DAP: variants seen among roughly 807,000 people sequenced by gnomAD.
The protein encoded by DAP is death-associated protein 1.
In DAP, 8 loss-of-function variants were observed where a neutral mutation model predicts 13.8. That is an observed-to-expected ratio of 0.58 (90% CI 0.34 to 1.05). The LOEUF (loss-of-function observed/expected upper bound fraction) is 1.05, where lower values mean the gene tolerates loss of function less well. DAP is among the 50% of genes least tolerant of loss of function. DAP has a pLI of 0.03. For missense variants in DAP, 106 were observed against 133.2 expected, an observed-to-expected ratio of 0.80 and a Z score of 1.01; for synonymous variants, 47 against 47.5, an observed-to-expected ratio of 0.99 and a Z score of 0.04.
intron 2 of DAP, among the ~76,000 whole-genome samples, chr5:10,723,933 C>G (rs755648799): frequency 1.3e-5 from 2 of 152,124 alleles, no homozygotes; most frequent in Non-Finnish European, 2.9e-5. Flanking sequence ...TTGCGGGTGT[C>G]TATTTGGAAG....
At chr5:10,732,121 A>G (rs17769094) in intron 2 of DAP, among the ~76,000 whole-genome samples, 6,998 of 152,356 alleles carry the variant, frequency 0.046, 209 homozygotes, top group Middle Eastern at 0.092. Context: ...CAGTGATGAC[A>G]ATGTGCAGGC....
At chr5:10,756,364 GT>G (rs1740181981) in intron 1 of DAP, among the ~76,000 whole-genome samples, 27 of 91,610 alleles carry the variant, frequency 2.9e-4, no homozygotes, top group South Asian at 3.5e-4. Context: ...AGACAAATTA[GT>G]CTTCTGTTTC....
In DAP at chr5:10,681,164, G is replaced by A; in HGVS notation, c.201C>T (p.Asp67=). The change falls in exon 4 of 4, where the codon GAC becomes GAT. Residue 67 remains aspartate (D), a synonymous_variant. Transcript: ENST00000230895. ...GCGCAGCCGCCGGGGGGAAATCTTT[G>A]TCACCCTGTCAGGAAACACGGAAAG... ...VFISGVIARG[D]KDFPPAAAQV... 6.7e-7 allele frequency: 1 copy of A among 1,500,532 alleles called. No homozygotes were observed. The highest frequency in any genetic ancestry group is 8.9e-7 in the Non-Finnish European group (1 of 1,126,206). 93.0% of individuals were successfully genotyped at this position (1,500,532 alleles called of 1,614,324 possible). A position where few individuals can be genotyped will look rare whatever the true frequency, so the allele number is the denominator to read the frequency against.
rs188576347 is a variant in DAP at position 10,753,374 on chromosome 5, T to G, written c.56-5103A>C. 1.3e-3 allele frequency among the ~76,000 whole-genome samples: 196 copies of G among 152,214 alleles called. 1 individual carries two copies. Among genetic ancestry groups the G allele is most frequent in the African/African-American group, 4.5e-3 (187 of 41,526 alleles). On this transcript the variant is annotated intron_variant, in intron 1 of 3. Coordinates refer to ENST00000230895, the MANE Select transcript of DAP (RefSeq NM_004394.3). The stretch of plus-strand genomic sequence containing the variant: ...GAGCACCATGGCTTCTGAGAGTAAC[T>G]CAAAGGAACGGCCTACAGACAGGGC...
At chr5:10,694,526 A>T (rs1162045282) in intron 2 of DAP, among the ~76,000 whole-genome samples, 1 of 152,020 alleles carries the variant, frequency 6.6e-6, no homozygotes, top group Non-Finnish European at 1.5e-5. Context: ...GGGCAAAGAG[A>T]CTGCTTTTCC....
At chr5:10,727,106 AT>A (rs1162451696) in intron 2 of DAP, among the ~76,000 whole-genome samples, 47 of 152,216 alleles carry the variant, frequency 3.1e-4, no homozygotes, top group Non-Finnish European at 7.3e-5. Context: ...ATGTCTCCTT[AT>A]ACGAACATTA....
At chr5:10,740,150 GA>G (rs1739720498) in intron 2 of DAP, among the ~76,000 whole-genome samples, 1 of 152,154 alleles carries the variant, frequency 6.6e-6, no homozygotes, top group Non-Finnish European at 1.5e-5. Context: ...TGAAAAACAG[GA>G]TATCAAAGAT....
chr5:10,689,573 G>A (rs1290333376), intron 2 of DAP, among the ~76,000 whole-genome samples: 1 of 152,210 alleles, frequency 6.6e-6, no homozygotes, highest in Admixed American at 6.5e-5. Context: ...AAAGACAGAG[G>A]ATGTCAATGA....
chr5:10,694,387 TACACAC>T (rs3836779), intron 2 of DAP, among the ~76,000 whole-genome samples: 1 of 149,166 alleles, frequency 6.7e-6, no homozygotes, highest in Non-Finnish European at 1.5e-5. Context: ...TATATGTGCA[TACACAC>T]ACACACACAC....
intron 2 of DAP, among the ~76,000 whole-genome samples, chr5:10,727,211 C>A (rs1456807229): frequency 1.3e-5 from 2 of 152,146 alleles, no homozygotes; most frequent in Admixed American, 1.3e-4. Context: ...GCCCATGTGT[C>A]AGGAGAATGG....
At chr5:10,731,200 G>T (rs1739449823) in intron 2 of DAP, among the ~76,000 whole-genome samples, 1 of 135,336 alleles carries the variant, frequency 7.4e-6, no homozygotes, top group South Asian at 2.6e-4. Flanking sequence ...AGCCCTGGTG[G>T]GGGGAATCTT....
chr5:10,729,039 C>T (rs1455431483), intron 2 of DAP, among the ~76,000 whole-genome samples: 2 of 152,204 alleles, frequency 1.3e-5, no homozygotes, highest in Non-Finnish European at 2.9e-5. Context: ...TAATTGACAA[C>T]ATCCATGTTG....
intron 2 of DAP, among the ~76,000 whole-genome samples, chr5:10,709,071 C>T (rs1738775157): frequency 6.6e-6 from 1 of 152,262 alleles, no homozygotes; most frequent in African/African-American, 2.4e-5. Context: ...GAGGAATTCA[C>T]CTGGCACCTC....
chr5:10,702,695 C>T (rs936761005), intron 2 of DAP, among the ~76,000 whole-genome samples: 10 of 152,172 alleles, frequency 6.6e-5, no homozygotes, highest in Non-Finnish European at 1.5e-4. Context: ...ACCACATTCA[C>T]GAGCCTGAAT....
intron 2 of DAP, among the ~76,000 whole-genome samples, chr5:10,723,012 C>G (rs113376418): frequency 0.037 from 5,687 of 152,270 alleles, 149 homozygotes; most frequent in Non-Finnish European, 0.052. Flanking sequence ...AAAGTCCAGC[C>G]ATTAGAAGGG....
At chr5:10,751,614 CCTAA>C (rs1443483572) in intron 1 of DAP, among the ~76,000 whole-genome samples, 8 of 152,104 alleles carry the variant, frequency 5.3e-5, no homozygotes, top group Non-Finnish European at 8.8e-5. Flanking sequence ...AGGTTGAAGT[CCTAA>C]CTGACATACC....
intron 2 of DAP, among the ~76,000 whole-genome samples, chr5:10,734,856 T>C (rs1022111541): frequency 4.6e-5 from 7 of 152,240 alleles, no homozygotes; most frequent in African/African-American, 1.4e-4. Flanking sequence ...TCTATTTACA[T>C]TTATTTTTTA....
intron 2 of DAP, among the ~76,000 whole-genome samples, chr5:10,713,516 C>T (rs1738904019): frequency 6.6e-6 from 1 of 152,250 alleles, no homozygotes; most frequent in African/African-American, 2.4e-5. Context: ...AGGCTGGCAT[C>T]TTCTCATCTG....
chr5:10,693,124 G>GCACACA lies in DAP; in HGVS notation c.153-9559_153-9554dup, dbSNP rs10596228. Among the ~76,000 whole-genome samples the GCACACA allele has an allele frequency of 9.0e-3, 1,339 of 148,950 alleles. 30 individuals carry two copies. Among genetic ancestry groups the GCACACA allele is most frequent in the Admixed American group, 0.057 (857 of 14,938 alleles). On this transcript the variant is annotated intron_variant, in intron 2 of 3. Coordinates refer to ENST00000230895, the MANE Select transcript of DAP (RefSeq NM_004394.3). ...CTGGGATGGGGAGAAACATGCACACGCACACACACACACACACACACACAC... is the reference window on the plus strand; with the variant it reads ...CTGGGATGGGGAGAAACATGCACACGCACACACACACACACACACACACACACACAC...
Sources: allele counts gnomAD v4.1 joint callset (sites outside exome capture counted in the v4.1 genomes callset), GRCh38; gene constraint gnomAD v4.1.1; transcripts MANE v1.5; gene names NCBI Gene and HGNC (gene_info 2026-07-23, HGNC 2026-07-21).